The following HOXC4 variants were observed in gnomAD, a reference collection of about 807,000 sequenced individuals.
HOXC4 encodes homeobox protein Hox-C4.
HOXC4 carries 15 observed loss-of-function variants against 25.5 expected under a neutral mutation model. The ratio of observed to expected loss-of-function variants is 0.59; its 90% CI spans 0.39 to 0.91. HOXC4 has a LOEUF of 0.91. Among genes scored for constraint, HOXC4 ranks in the 40% least tolerant of loss-of-function variants. The probability of loss-of-function intolerance (pLI) is 0.00; values close to 1 mark genes in which losing one functional copy is unlikely to be tolerated. For synonymous variants in HOXC4, 165 were observed against 148.0 expected (o/e 1.11, Z -0.83); for missense variants, 342 against 352.4 (o/e 0.97, Z 0.24).
chr12:54,022,491 AAATT>A (rs1402259478), intron 1 of HOXC4: 1 of 152,150 alleles, frequency 6.6e-6, no homozygotes, highest in Admixed American at 6.5e-5. Context: ...CTCATTTCTG[AAATT>A]AATTTTCCCC....
At chr12:54,046,703 G>T (rs1033930558) in intron 1 of HOXC4, among the ~76,000 whole-genome samples, 1 of 152,152 alleles carries the variant, frequency 6.6e-6, no homozygotes, top group Admixed American at 6.5e-5. Context: ...AAGAGAAAGG[G>T]AAAGAAGTCA....
At position 54,055,265 on chromosome 12, in the gene HOXC4, G is replaced by T. The variant is rs1937950575; in HGVS notation, c.*60G>T. On this transcript the variant is annotated 3_prime_UTR_variant, in exon 2 of 2. Transcript: ENST00000430889. ...CCCACCCTCCCCTCACACACAAATT[G>T]ACTCTTATTTATAGAATTTAATATA... 3.8e-6 allele frequency: 2 copies of T among 533,038 alleles called. No individual in the cohort carries two copies. Among genetic ancestry groups the T allele is most frequent in the Non-Finnish European group, 5.9e-6 (2 of 341,254 alleles). 33.0% of individuals were successfully genotyped at this position (533,038 alleles called of 1,614,324 possible).
At chr12:54,029,644 C>G (rs776432961) in intron 1 of HOXC4, 4 of 1,608,114 alleles carry the variant, frequency 2.5e-6, no homozygotes, top group Non-Finnish European at 3.4e-6. Context: ...GTTTTGTGCC[C>G]GGATCTTTAG....
chr12:54,031,807 A>T (rs1375745374), intron 1 of HOXC4, among the ~76,000 whole-genome samples: 8 of 152,098 alleles, frequency 5.3e-5, no homozygotes, highest in Non-Finnish European at 8.8e-5. Context: ...GGGGAAGAGG[A>T]TGGGGCCGAA....
intron 1 of HOXC4, chr12:54,028,514 G>A: frequency 1.9e-6 from 3 of 1,612,522 alleles, no homozygotes; most frequent in Middle Eastern, 3.3e-4. Context: ...CCAGGTAAAG[G>A]CAAAGGGATG....
At chr12:54,022,858 G>C (rs1940510092) in intron 1 of HOXC4, among the ~76,000 whole-genome samples, 1 of 152,162 alleles carries the variant, frequency 6.6e-6, no homozygotes. Context: ...TCCAAGCAGT[G>C]CTTCATGTGG....
At position 54,034,601 on chromosome 12, in the gene HOXC4, A is replaced by C. The variant is rs1357895216; in HGVS notation, c.-124+17187A>C. On this transcript the variant is annotated intron_variant, in intron 1 of 3. Coordinates refer to the HOXC4 transcript ENST00000303406. ...TCGGGTCGGGGGCAGGTGCTGGAGC[A>C]CTGGGCTCCCGGGCCCCACAGACAA... The C allele has an allele frequency of 5.7e-6, 5 of 881,170 alleles. No homozygotes were observed. In the African/African-American group the frequency reaches 6.8e-5, roughly 12 times the overall value. The allele number at this position is 881,170 out of a possible 1,614,324, so 54.6% of individuals were successfully genotyped here. A position where few individuals can be genotyped will look rare whatever the true frequency, so the allele number is the denominator to read the frequency against.
At chr12:54,029,965 A>C in intron 1 of HOXC4, 1 of 1,546,040 alleles carries the variant, frequency 6.5e-7, no homozygotes, top group Non-Finnish European at 8.7e-7. Context: ...AAGAGTGACC[A>C]GGACTGTCCC....
At chr12:54,052,262 G>A (rs1475719192), upstream of HOXC4, among the ~76,000 whole-genome samples, 1 of 152,222 alleles carries the variant, frequency 6.6e-6, no homozygotes, top group Non-Finnish European at 1.5e-5. Context: ...GCGATTCCGC[G>A]AGACTGATTT....
intron 1 of HOXC4, chr12:54,033,970 G>A (rs1290217165): frequency 1.8e-6 from 1 of 552,280 alleles, no homozygotes; most frequent in South Asian, 1.8e-5. Flanking sequence ...GCGGGAGGGG[G>A]GTCCCCGGTG....
intron 1 of HOXC4, among the ~76,000 whole-genome samples, chr12:54,045,670 G>C (rs573226560): frequency 4.6e-5 from 7 of 152,242 alleles, no homozygotes; most frequent in African/African-American, 1.7e-4. Flanking sequence ...CCTTCTAGAA[G>C]GACTTAAACT....
At chr12:54,033,096 C>A (rs890288399) in intron 1 of HOXC4, 1 of 1,583,978 alleles carries the variant, frequency 6.3e-7, no homozygotes, top group Non-Finnish European at 8.6e-7. Context: ...AAAAAGGGTG[C>A]AGAAATTTTT....
rs555994152 is a variant in HOXC4 at position 54,016,980 on chromosome 12, T to A, written c.-558T>A. On this transcript the variant is annotated 5_prime_UTR_variant, in exon 1 of 4. Transcript: ENST00000303406. ...TAGCAGTATTTTTTTTAAATTAATC[T>A]GATTAATAATTATTTTTCCCCCATT... is the stretch of plus-strand genomic sequence containing the variant. The A allele has an allele frequency of 3.9e-5, 6 of 152,210 alleles. No individual in the cohort carries two copies. The East Asian group carries it at 9.7e-4, about 24-fold the overall frequency. 9.4% of individuals were successfully genotyped at this position (152,210 alleles called of 1,614,324 possible).
upstream of HOXC4, among the ~76,000 whole-genome samples, chr12:54,050,435 A>G (rs1269923721): frequency 6.6e-6 from 1 of 152,212 alleles, no homozygotes; most frequent in Non-Finnish European, 1.5e-5. Flanking sequence ...GAGGTTGAGG[A>G]CAGGGCAGAG....
intron 1 of HOXC4, chr12:54,029,536 C>G (rs1281984225): frequency 9.5e-7 from 1 of 1,047,752 alleles, no homozygotes; most frequent in Non-Finnish European, 1.4e-6. Flanking sequence ...AAGGCTAGAG[C>G]CCTAAGGAGG....
intron 1 of HOXC4, among the ~76,000 whole-genome samples, chr12:54,026,391 A>G (rs1445527160): frequency 6.6e-6 from 1 of 152,226 alleles, no homozygotes; most frequent in Non-Finnish European, 1.5e-5. Context: ...TCTAGGGCAA[A>G]AAGCAACTCA....
Position 54,053,975 on chromosome 12 carries a change from C to T in HOXC4, c.53C>T (p.Pro18Leu). 3 of 1,614,048 alleles carry T rather than the reference C, an allele frequency of 1.9e-6. No homozygotes were observed. The highest frequency in any genetic ancestry group is 2.5e-6 in the Non-Finnish European group (3 of 1,179,946). The change falls in exon 1 of 2, where the codon CCT (proline) becomes CTT (leucine). Residue 18 changes from proline to leucine, a missense_variant. Physicochemically the swap from Pro to Leu is moderately conservative, Grantham distance 98. Transcript: ENST00000430889. The stretch of plus-strand genomic sequence containing the variant: ...TCTAACTACATCGATCCGAAATTTC[C>T]TCCATGCGAAGAATATTCGCAAAAT... ...MDSNYIDPKF[P>L]PCEEYSQNSY... is the part of the protein sequence containing the mutation.
intron 1 of HOXC4, among the ~76,000 whole-genome samples, chr12:54,035,864 G>A (rs1941174613): frequency 6.6e-6 from 1 of 152,160 alleles, no homozygotes; most frequent in South Asian, 2.1e-4. Context: ...GCTTGGTAAG[G>A]GGGTGTTGGG....
chr12:54,050,660 A>AT (rs1343838237), upstream of HOXC4, among the ~76,000 whole-genome samples: 2 of 150,520 alleles, frequency 1.3e-5, no homozygotes, highest in Admixed American at 1.3e-4. Flanking sequence ...TGTGTGTGGT[A>AT]TTTTACCCAT....
Sources: gnomAD v4.1 joint callset for allele counts (sites outside exome capture counted in the v4.1 genomes callset) on GRCh38, gnomAD v4.1.1 for gene constraint, MANE v1.5 for transcripts, NCBI Gene and HGNC (gene_info 2026-07-23, HGNC 2026-07-21) for gene names.